Variants in HSPA1B observed in about 807,000 individuals in gnomAD.
HSPA1B encodes heat shock protein family A (Hsp70) member 1B, also known as heat shock 70 kDa protein 1B.
Under a neutral mutation model 9.0 loss-of-function variants are expected in HSPA1B, and 7 were observed. The ratio of observed to expected loss-of-function variants is 0.78; its 90% CI spans 0.44 to 1.46. The LOEUF (loss-of-function observed/expected upper bound fraction) is 1.46, where lower values mean the gene tolerates loss of function less well. Ranked by LOEUF, HSPA1B falls within the 40% of genes most tolerant of loss-of-function variation. HSPA1B has a pLI of 0.01. For synonymous variants in HSPA1B, 125 were observed against 184.5 expected, an observed-to-expected ratio of 0.68 and a Z score of 2.61; for missense variants, 199 against 424.5, an observed-to-expected ratio of 0.47 and a Z score of 4.67.
Position 31,829,704 on chromosome 6 carries a change from C to G in HSPA1B, c.1754C>G (p.Thr585Ser). 2 of 1,612,596 alleles carry G rather than the reference C, an allele frequency of 1.2e-6. No homozygotes were observed. Among genetic ancestry groups the G allele is most frequent in the Non-Finnish European group, 1.7e-6 (2 of 1,179,920 alleles). The change falls in exon 1 of 1, where the codon ACC (threonine) becomes AGC (serine). Residue 585 changes from threonine to serine, a missense_variant. Transcript: ENST00000375650. ...GTCATCTCGTGGCTGGACGCCAACA[C>G]CTTGGCCGAGAAGGACGAGTTTGAG... is the stretch of plus-strand genomic sequence containing the variant. Reference protein sequence around the residue: ...QEVISWLDANTLAEKDEFEHK... With the variant: ...QEVISWLDANSLAEKDEFEHK...
chr6:31,828,275 G>A lies in HSPA1B; in HGVS notation c.325G>A (p.Gly109Arg). The part of the protein sequence containing the change: ...DKPKVQVSYK[G>R]ETKAFYPEEI... ...GCCCAAGGTGCAGGTGAGCTACAAG[G>A]GGGAGACCAAGGCATTCTACCCCGA... The change falls in exon 1 of 1, where the codon GGG becomes AGG. Residue 109 changes from glycine (G) to arginine (R), a missense_variant. Coordinates refer to ENST00000375650, the MANE Select transcript of HSPA1B (RefSeq NM_005346.6). The A allele has an allele frequency of 4.6e-6, 3 of 659,250 alleles. No homozygotes were observed. The highest frequency in any genetic ancestry group is 7.0e-6 in the Non-Finnish European group (3 of 427,392). The allele number at this position is 659,250 out of a possible 1,614,324, so 40.8% of individuals were successfully genotyped here. A position where few individuals can be genotyped will look rare whatever the true frequency, so the allele number is the denominator to read the frequency against.
rs1279625863 is a variant in HSPA1B, at chr6:31,830,024, C to T, written c.*148C>T. ...TAACCTGATGGTAATTAGCTGGCTT[C>T]ATTATTTTTGTAGTACAACCGATAT... On this transcript the variant is annotated 3_prime_UTR_variant, in exon 1 of 1. Coordinates refer to ENST00000375650, the MANE Select transcript of HSPA1B (RefSeq NM_005346.6). 9.8e-7 allele frequency: 1 copy of T among 1,015,906 alleles called. No homozygotes were observed. Among genetic ancestry groups the T allele is most frequent in the East Asian group, 2.4e-5 (1 of 41,302 alleles). The allele number at this position is 1,015,906 out of a possible 1,614,324, so 62.9% of individuals were successfully genotyped here.
rs986067505 is a variant in HSPA1B at position 31,830,153 on chromosome 6, T to G, written c.*277T>G. 76 of 308,004 alleles carry G rather than the reference T, an allele frequency of 2.5e-4. No homozygotes were observed. Among genetic ancestry groups the G allele is most frequent in the Middle Eastern group, 9.8e-4 (1 of 1,024 alleles). 19.1% of individuals were successfully genotyped at this position (308,004 alleles called of 1,614,324 possible). ...TTCTGTACGAGTTTGTTTGTTTTTT[T>G]TTTTTTTTTTTTTTTTTGCTTGGCG... On this transcript the variant is annotated 3_prime_UTR_variant, in exon 1 of 1. Transcript: ENST00000375650.
In HSPA1B at chr6:31,828,022, C is replaced by A. The variant is rs375533667; in HGVS notation, c.72C>A (p.Gly24=). The change falls in exon 1 of 1, where the codon GGC becomes GGA. Residue 24 remains glycine (G), a synonymous_variant. Transcript: ENST00000375650. ...TYSCVGVFQH[G]KVEIIANDQG... ...CCTGCGTGGGGGTGTTCCAACACGG[C>A]AAGGTGGAGATCATCGCCAACGACC... The A allele has an allele frequency of 9.3e-6, 15 of 1,611,004 alleles. No individual in the cohort carries two copies. The highest frequency in any genetic ancestry group is 1.2e-5 in the Non-Finnish European group (14 of 1,179,068).
At position 31,827,819 on chromosome 6, in the gene HSPA1B, C is replaced by G; in HGVS notation, c.-132C>G. On this transcript the variant is annotated 5_prime_UTR_variant, in exon 1 of 1. Coordinates refer to ENST00000375650, the MANE Select transcript of HSPA1B (RefSeq NM_005346.6). ...CCCGCGGTCCCAAGGCTTTCCAGAG[C>G]GAACCTGTGCGGCTGCAGGCACCGG... The G allele has an allele frequency of 6.4e-7, 1 of 1,563,270 alleles. No homozygotes were observed. The highest frequency in any genetic ancestry group is 8.7e-7 in the Non-Finnish European group (1 of 1,149,114).
Position 31,828,620 on chromosome 6 carries a change from G to A in HSPA1B, c.670G>A (p.Gly224Arg), listed in dbSNP as rs1165965484. The change falls in exon 1 of 1, where the codon GGG (glycine) becomes AGG (arginine). Residue 224 changes from glycine (G) to arginine (R), a missense_variant. Coordinates refer to ENST00000375650, the MANE Select transcript of HSPA1B (RefSeq NM_005346.6). ...DGIFEVKATAGDTHLGGEDFD... is the reference protein window; with the variant it reads ...DGIFEVKATARDTHLGGEDFD... ...CATCTTCGAGGTGAAGGCCACGGCC[G>A]GGGACACCCACCTGGGTGGGGAGGA... is the stretch of plus-strand genomic sequence containing the variant. 3.7e-5 allele frequency: 3 copies of A among 81,040 alleles called. No individual in the cohort carries two copies. Among genetic ancestry groups the A allele is most frequent in the Non-Finnish European group, 6.2e-5 (3 of 48,206 alleles). 5.0% of individuals were successfully genotyped at this position (81,040 alleles called of 1,614,324 possible). A position where few individuals can be genotyped will look rare whatever the true frequency, so the allele number is the denominator to read the frequency against.
rs1296605074 is a variant in HSPA1B at position 31,830,142 on chromosome 6, GTTTGTTTTTTTTTTT to G, written c.*270_*284del. 3.8e-3 allele frequency: 432 copies of G among 114,244 alleles called. 4 individuals carry two copies. The highest frequency in any genetic ancestry group is 5.7e-3 in the Admixed American group (48 of 8,378). The allele number at this position is 114,244 out of a possible 1,614,324, so 7.1% of individuals were successfully genotyped here. ...ACACTGCCACCTTCTGTACGAGTTT[GTTTGTTTTTTTTTTT>G]TTTTTTTTTTTTTGCTTGGCGAAAA... On this transcript the variant is annotated 3_prime_UTR_variant, in exon 1 of 1. Transcript: ENST00000375650.
rs1816805754 is a variant in HSPA1B, at chr6:31,827,985, G to A, written c.35G>A (p.Gly12Asp). Residue 12 changes from glycine to aspartate, a missense_variant, in exon 1 of 1, where the codon GGC becomes GAC. Gly to Asp is a moderately conservative substitution (Grantham distance 94). Transcript: ENST00000375650. ...AKAAAIGIDL[G>D]TTYSCVGVFQ... ...GCCGCGGCGATCGGCATCGACCTGG[G>A]CACCACCTACTCCTGCGTGGGGGTG... 15 of 1,612,946 alleles carry A rather than the reference G, an allele frequency of 9.3e-6. No individual in the cohort carries two copies. Among genetic ancestry groups the A allele is most frequent in the African/African-American group, 1.3e-5 (1 of 74,966 alleles).
In HSPA1B at chr6:31,830,142, GTTTGTTTTTTT is replaced by G. The variant is rs1816936107; in HGVS notation, c.*270_*280del. 46 of 110,596 alleles carry G rather than the reference GTTTGTTTTTTT, an allele frequency of 4.2e-4. No homozygotes were observed. Among genetic ancestry groups the G allele is most frequent in the Middle Eastern group, 3.4e-3 (1 of 294 alleles). The allele number at this position is 110,596 out of a possible 1,614,324, so 6.9% of individuals were successfully genotyped here. ...ACACTGCCACCTTCTGTACGAGTTT[GTTTGTTTTTTT>G]TTTTTTTTTTTTTTTTTGCTTGGCG... On this transcript the variant is annotated 3_prime_UTR_variant, in exon 1 of 1. Transcript: ENST00000375650.
At position 31,829,711 on chromosome 6, in the gene HSPA1B, C is replaced by A; in HGVS notation, c.1761C>A (p.Ala587=). 4.3e-6 allele frequency: 7 copies of A among 1,612,416 alleles called. No homozygotes were observed. Among genetic ancestry groups the A allele is most frequent in the Non-Finnish European group, 5.9e-6 (7 of 1,179,914 alleles). ...CGTGGCTGGACGCCAACACCTTGGCCGAGAAGGACGAGTTTGAGCACAAGA... is the reference window on the plus strand; with the variant it reads ...CGTGGCTGGACGCCAACACCTTGGCAGAGAAGGACGAGTTTGAGCACAAGA... ...VISWLDANTL[A]EKDEFEHKRK... is the part of the protein sequence containing the mutation. Residue 587 remains alanine (A), a synonymous_variant, in exon 1 of 1, where the codon GCC becomes GCA. Transcript: ENST00000375650.
rs1213162153 is a variant in HSPA1B, at chr6:31,827,767, G to C, written c.-184G>C. ...GGCCAGCCTGAGGAGCTGCTGCGAG[G>C]GTCCGCTTCGTCTTTCGAGAGTGAC... On this transcript the variant is annotated 5_prime_UTR_variant, in exon 1 of 1. Coordinates refer to ENST00000375650, the MANE Select transcript of HSPA1B (RefSeq NM_005346.6). 8 of 1,339,418 alleles carry C rather than the reference G, an allele frequency of 6.0e-6. No homozygotes were observed. The highest frequency in any genetic ancestry group is 8.3e-6 in the Non-Finnish European group (8 of 963,262). 83.0% of individuals were successfully genotyped at this position (1,339,418 alleles called of 1,614,324 possible). A position where few individuals can be genotyped will look rare whatever the true frequency, so the allele number is the denominator to read the frequency against.
Position 31,828,146 on chromosome 6 carries a change from A to T in HSPA1B, c.196A>T (p.Thr66Ser), listed in dbSNP as rs1357698102. Reference protein sequence around the residue: ...KNQVALNPQNTVFDAKRLIGR... With the variant: ...KNQVALNPQNSVFDAKRLIGR... ...CCAGGTGGCGCTGAACCCGCAGAAC[A>T]CCGTGTTTGACGCGAAGCGGCTGAT... The change falls in exon 1 of 1, where the codon ACC becomes TCC. Residue 66 changes from threonine to serine, a missense_variant. Physicochemically the swap from Thr to Ser is moderately conservative, Grantham distance 58. Coordinates refer to ENST00000375650, the MANE Select transcript of HSPA1B (RefSeq NM_005346.6). The T allele has an allele frequency of 2.1e-5, 31 of 1,507,628 alleles. No homozygotes were observed. Among genetic ancestry groups the T allele is most frequent in the Non-Finnish European group, 2.8e-5 (31 of 1,120,360 alleles). The allele number at this position is 1,507,628 out of a possible 1,614,324, so 93.4% of individuals were successfully genotyped here. A position where few individuals can be genotyped will look rare whatever the true frequency, so the allele number is the denominator to read the frequency against.
Position 31,829,244 on chromosome 6 carries a change from TC to T in HSPA1B, c.1296del (p.Asp433ThrfsTer7). 3.0e-5 allele frequency: 13 copies of T among 434,046 alleles called. No individual in the cohort carries two copies. Among genetic ancestry groups the T allele is most frequent in the Non-Finnish European group, 3.8e-5 (10 of 260,212 alleles). 26.9% of individuals were successfully genotyped at this position (434,046 alleles called of 1,614,324 possible). ...TKQTQIFTTYSDNQPGVLIQV... is the reference protein window; with the variant it reads ...TKQTQIFTTYXDNQPGVLIQV... ...GCAGACGCAGATCTTCACCACCTAC[TC>T]CGACAACCAACCCGGGGTGCTGATC... On this transcript the variant is annotated frameshift_variant, in exon 1 of 1. Transcript: ENST00000375650. LOFTEE classifies it high-confidence loss of function.
chr6:31,829,940 C>T lies in HSPA1B; in HGVS notation c.*64C>T. 1.9e-6 allele frequency: 3 copies of T among 1,559,064 alleles called. No individual in the cohort carries two copies. The highest frequency in any genetic ancestry group is 2.6e-6 in the Non-Finnish European group (3 of 1,151,290). On this transcript the variant is annotated 3_prime_UTR_variant, in exon 1 of 1. Transcript: ENST00000375650. ...CTGTTGGGACTCAAGGACTTTGCTG[C>T]TGTTTTCCTATGTCATTTCTGCTTC...
chr6:31,829,864 G>A lies in HSPA1B; in HGVS notation c.1914G>A (p.Glu638=), dbSNP rs769068842. Residue 638 remains glutamate (E), a synonymous_variant, in exon 1 of 1, where the codon GAG becomes GAA. Transcript: ENST00000375650. ...KGGSGSGPTI[E]EVD ...GGTCTGGGTCAGGCCCTACCATTGAGGAGGTGGATTAGGGGCCTTTGTTCT... is the reference window on the plus strand; with the variant it reads ...GGTCTGGGTCAGGCCCTACCATTGAAGAGGTGGATTAGGGGCCTTTGTTCT... 6.2e-7 allele frequency: 1 copy of A among 1,612,682 alleles called. No homozygotes were observed.
At position 31,829,932 on chromosome 6, in the gene HSPA1B, C is replaced by G. The variant is rs1490546012; in HGVS notation, c.*56C>G. 6.4e-7 allele frequency: 1 copy of G among 1,571,898 alleles called. No individual in the cohort carries two copies. The highest frequency in any genetic ancestry group is 8.6e-7 in the Non-Finnish European group (1 of 1,159,298). ...GAGGTGGACTGTTGGGACTCAAGGA[C>G]TTTGCTGCTGTTTTCCTATGTCATT... On this transcript the variant is annotated 3_prime_UTR_variant, in exon 1 of 1. Coordinates refer to ENST00000375650, the MANE Select transcript of HSPA1B (RefSeq NM_005346.6).
rs572178551 is a variant in HSPA1B, at chr6:31,827,770, C to G, written c.-181C>G. 3 of 1,362,230 alleles carry G rather than the reference C, an allele frequency of 2.2e-6. No homozygotes were observed. The highest frequency in any genetic ancestry group is 2.0e-5 in the Admixed American group (1 of 50,578). The allele number at this position is 1,362,230 out of a possible 1,614,324, so 84.4% of individuals were successfully genotyped here. On this transcript the variant is annotated 5_prime_UTR_variant, in exon 1 of 1. Coordinates refer to ENST00000375650, the MANE Select transcript of HSPA1B (RefSeq NM_005346.6). ...CAGCCTGAGGAGCTGCTGCGAGGGT[C>G]CGCTTCGTCTTTCGAGAGTGACTCC...
In HSPA1B at chr6:31,827,748, C is replaced by T. The variant is rs544819831; in HGVS notation, c.-203C>T. 5 of 1,217,508 alleles carry T rather than the reference C, an allele frequency of 4.1e-6. No individual in the cohort carries two copies. Among genetic ancestry groups the T allele is most frequent in the Middle Eastern group, 1.9e-4 (1 of 5,372 alleles). The allele number at this position is 1,217,508 out of a possible 1,614,324, so 75.4% of individuals were successfully genotyped here. ...GGCGCGCGGTCCGGAAAACGGCCAGCCTGAGGAGCTGCTGCGAGGGTCCGC... is the reference window on the plus strand; with the variant it reads ...GGCGCGCGGTCCGGAAAACGGCCAGTCTGAGGAGCTGCTGCGAGGGTCCGC... On this transcript the variant is annotated 5_prime_UTR_variant, in exon 1 of 1. Transcript: ENST00000375650.
chr6:31,827,877 G>GCTCTTGTCGCGGATCCCGT lies in HSPA1B; in HGVS notation c.-72_-54dup. The GCTCTTGTCGCGGATCCCGT allele has an allele frequency of 6.2e-7, 1 of 1,612,708 alleles. No individual in the cohort carries two copies. Among genetic ancestry groups the GCTCTTGTCGCGGATCCCGT allele is most frequent in the Non-Finnish European group, 8.5e-7 (1 of 1,179,668 alleles). ...AGTTTCCGGCGTTCCGAAGGACTGA[G>GCTCTTGTCGCGGATCCCGT]CTCTTGTCGCGGATCCCGTCCGCCG... On this transcript the variant is annotated 5_prime_UTR_variant, in exon 1 of 1. Transcript: ENST00000375650.
Sources: allele counts gnomAD v4.1 joint callset, GRCh38; gene constraint gnomAD v4.1.1; transcripts MANE v1.5; gene names NCBI Gene and HGNC (gene_info 2026-07-23, HGNC 2026-07-21).